CGNL1: variants seen among roughly 807,000 people sequenced by gnomAD.
CGNL1 encodes cingulin like 1.
A neutral mutation model predicts 141.2 loss-of-function variants in CGNL1; 132 were observed. The ratio of observed to expected loss-of-function variants is 0.93; its 90% CI spans 0.81 to 1.08. The LOEUF is 1.08. CGNL1 is among the 50% of genes least tolerant of loss of function. The probability of loss-of-function intolerance (pLI) is 0.00; values close to 1 mark genes in which losing one functional copy is unlikely to be tolerated. For synonymous variants in CGNL1, 690 were observed against 622.1 expected, an observed-to-expected ratio of 1.11 and a Z score of -1.63; for missense variants, 1,870 against 1,588.6, an observed-to-expected ratio of 1.18 and a Z score of -3.01.
intron 10 of CGNL1, among the ~76,000 whole-genome samples, chr15:57,522,666 A>G (rs528167924): frequency 1.1e-4 from 16 of 152,252 alleles, no homozygotes; most frequent in Admixed American, 3.3e-4. Flanking sequence ...ACTTTCCTAT[A>G]ATATTTTAGG....
chr15:57,496,268 T>C (rs529799266), intron 8 of CGNL1, among the ~76,000 whole-genome samples: 1 of 152,302 alleles, frequency 6.6e-6, no homozygotes, highest in East Asian at 1.9e-4. Flanking sequence ...GAATTACCTA[T>C]TGAGAAGATC....
chr15:57,452,420 C>T, intron 6 of CGNL1, 131 bp downstream of exon 6: 1 of 781,122 alleles, frequency 1.3e-6, no homozygotes, highest in Non-Finnish European at 2.0e-6. Flanking sequence ...CCTTTTCTTC[C>T]TCTTATCTTT....
chr15:57,464,011 C>T (rs1473564920), intron 8 of CGNL1, among the ~76,000 whole-genome samples: 3 of 152,068 alleles, frequency 2.0e-5, no homozygotes, highest in Non-Finnish European at 2.9e-5. Context: ...ATTATAATTT[C>T]TCATCTTGTC....
intron 1 of CGNL1, among the ~76,000 whole-genome samples, chr15:57,397,550 T>C (rs1203320605): frequency 6.6e-6 from 1 of 152,184 alleles, no homozygotes; most frequent in East Asian, 1.9e-4. Flanking sequence ...AGCTAATTTT[T>C]AAATTATAAA....
chr15:57,523,937 C>G (rs543971512), intron 11 of CGNL1, among the ~76,000 whole-genome samples: 1 of 152,156 alleles, frequency 6.6e-6, no homozygotes, highest in African/African-American at 2.4e-5. Context: ...GAATCAGAAT[C>G]GACATCTCTG....
At chr15:57,384,703 A>G (rs1260416859) in intron 1 of CGNL1, among the ~76,000 whole-genome samples, 2 of 152,192 alleles carry the variant, frequency 1.3e-5, no homozygotes, top group Admixed American at 1.3e-4. Flanking sequence ...AATTGCCATA[A>G]ACTTTCAAAC....
At position 57,439,293 on chromosome 15, in the gene CGNL1, C is replaced by G. The variant is rs1440546992; in HGVS notation, c.1294C>G (p.Gln432Glu). The change falls in exon 2 of 19, where the codon CAG (glutamine) becomes GAG (glutamate). Residue 432 changes from glutamine (Q) to glutamate (E), a missense_variant. Transcript: ENST00000281282. ...GGTGTGCCCGCAGCGGCCACTGTCT[C>G]AGGAGCGCCGTGGGAAACAGAGCGT... ...SQVCPQRPLS[Q>E]ERRGKQSVGR... is the part of the protein sequence containing the mutation. 1 of 1,614,080 alleles carries G rather than the reference C, an allele frequency of 6.2e-7. No homozygotes were observed.
At chr15:57,538,477 C>T (rs1356085512) in intron 14 of CGNL1, among the ~76,000 whole-genome samples, 5 of 151,966 alleles carry the variant, frequency 3.3e-5, no homozygotes, top group Non-Finnish European at 7.4e-5. Context: ...TTTTTTTGCC[C>T]CCCTTTGGAG....
At chr15:57,394,146 TCCAGGCTGGAGTACAAGCTCATGTTGC>T (rs1422183924) in intron 1 of CGNL1, 5 of 144,084 alleles carry the variant, frequency 3.5e-5, no homozygotes, top group South Asian at 4.6e-4. Flanking sequence ...GCTCTTCTTG[TCCAGGCTGGAGTACAAGCTCATGTTGC>T]CCAGGCTGGA....
intron 8 of CGNL1, among the ~76,000 whole-genome samples, chr15:57,481,770 T>C (rs1240388965): frequency 2.0e-5 from 3 of 152,190 alleles, no homozygotes; most frequent in Non-Finnish European, 4.4e-5. Context: ...TTTTCTGAGA[T>C]AAATATCTAG....
chr15:57,512,507 A>G (rs1189915338), intron 8 of CGNL1, among the ~76,000 whole-genome samples: 3 of 152,198 alleles, frequency 2.0e-5, no homozygotes, highest in East Asian at 3.8e-4. Flanking sequence ...CGCTTTACAA[A>G]TAATCAAAAA....
At chr15:57,437,715 GGTCAT>G (rs2063124057) in intron 1 of CGNL1, among the ~76,000 whole-genome samples, 1 of 149,762 alleles carries the variant, frequency 6.7e-6, no homozygotes, top group South Asian at 2.1e-4. Context: ...AAAAGTGTCA[GGTCAT>G]TACACGGGTT....
chr15:57,425,805 G>A (rs1485099273), intron 1 of CGNL1, among the ~76,000 whole-genome samples: 1 of 150,732 alleles, frequency 6.6e-6, no homozygotes, highest in Non-Finnish European at 1.5e-5. Flanking sequence ...AACCCTAAAA[G>A]GTTAAAATAT....
chr15:57,533,849 G>T (rs1190443071), intron 14 of CGNL1, among the ~76,000 whole-genome samples: 1 of 152,230 alleles, frequency 6.6e-6, no homozygotes, highest in Non-Finnish European at 1.5e-5. Flanking sequence ...GTCAGTTTAG[G>T]GGGGAAGTTA....
chr15:57,435,514 T>G (rs1253873064), intron 1 of CGNL1, among the ~76,000 whole-genome samples: 2 of 151,840 alleles, frequency 1.3e-5, no homozygotes, highest in African/African-American at 4.8e-5. Flanking sequence ...AAAAATAAAT[T>G]ATTTAAAAAT....
chr15:57,391,898 A>C (rs1332555877), intron 1 of CGNL1, among the ~76,000 whole-genome samples: 25 of 152,188 alleles, frequency 1.6e-4, no homozygotes, highest in Non-Finnish European at 3.4e-4. Context: ...GAAAGAACAG[A>C]AAAGATGCAA....
At chr15:57,498,518 T>C (rs2063976717) in intron 8 of CGNL1, among the ~76,000 whole-genome samples, 1 of 152,216 alleles carries the variant, frequency 6.6e-6, no homozygotes, top group Non-Finnish European at 1.5e-5. Context: ...TTTTGTTTGT[T>C]TATTTGTTTT....
intron 4 of CGNL1, among the ~76,000 whole-genome samples, 175 bp downstream of exon 4, chr15:57,442,653 C>T (rs2063204049): frequency 6.6e-6 from 1 of 152,142 alleles, no homozygotes; most frequent in Non-Finnish European, 1.5e-5. Context: ...GACAGAGTCT[C>T]TGTCACCCTG....
chr15:57,382,669 C>T (rs578137183), intron 1 of CGNL1, among the ~76,000 whole-genome samples: 1 of 152,154 alleles, frequency 6.6e-6, no homozygotes, highest in Non-Finnish European at 1.5e-5. Flanking sequence ...AGTTTTCTAT[C>T]TTTGTGTTTC....
Sources: gnomAD v4.1 joint callset for allele counts (sites outside exome capture counted in the v4.1 genomes callset) on GRCh38, gnomAD v4.1.1 for gene constraint, MANE v1.5 for transcripts, NCBI Gene and HGNC (gene_info 2026-07-23, HGNC 2026-07-21) for gene names.